PCDH7: variants seen among roughly 807,000 people sequenced by gnomAD.
The protein encoded by PCDH7 is protocadherin 7.
Under a neutral mutation model 58.9 loss-of-function variants are expected in PCDH7, and 17 were observed. That is an observed-to-expected ratio of 0.29 (90% CI 0.20 to 0.43). The LOEUF is 0.43. PCDH7 is among the 20% of genes least tolerant of loss of function. The probability of loss-of-function intolerance (pLI) is 1.00; values close to 1 mark genes in which losing one functional copy is unlikely to be tolerated. For missense variants in PCDH7, 1,274 were observed against 1,441.0 expected (o/e 0.88, Z 1.88); for synonymous variants, 664 against 616.4 (o/e 1.08, Z -1.14).
chr4:30,781,858 C>A (rs1239065242), intron 1 of PCDH7, among the ~76,000 whole-genome samples: 2 of 152,102 alleles, frequency 1.3e-5, no homozygotes, highest in Non-Finnish European at 2.9e-5. Flanking sequence ...TCTTATGTAG[C>A]TAATCAGTGG....
At chr4:31,103,548 G>A (rs1324273504) in intron 3 of PCDH7, among the ~76,000 whole-genome samples, 9 of 151,996 alleles carry the variant, frequency 5.9e-5, no homozygotes, top group Admixed American at 5.9e-4. Flanking sequence ...ATGTTGGCCA[G>A]GCTGATCTCA....
chr4:31,018,617 G>A (rs1753794146), intron 3 of PCDH7, among the ~76,000 whole-genome samples: 1 of 152,118 alleles, frequency 6.6e-6, no homozygotes, highest in Admixed American at 6.6e-5. Flanking sequence ...TCTAAGTCGT[G>A]TATATTTCGA....
At chr4:30,955,493 ATTATTGTATTTTATT>A (rs1747758722) in intron 3 of PCDH7, among the ~76,000 whole-genome samples, 1 of 121,758 alleles carries the variant, frequency 8.2e-6, no homozygotes, top group Non-Finnish European at 1.7e-5. Flanking sequence ...ATTTTATTTT[ATTATTGTATTTTATT>A]TTATTTTATT....
intron 3 of PCDH7, among the ~76,000 whole-genome samples, chr4:31,048,214 A>G (rs1756443904): frequency 2.6e-5 from 4 of 152,086 alleles, no homozygotes; most frequent in Non-Finnish European, 5.9e-5. Context: ...GACAAGAAAA[A>G]GAATATCTCA....
In PCDH7 at chr4:30,893,195, A is replaced by G. The variant is rs540060070; in HGVS notation, c.71-26958A>G. Among the ~76,000 whole-genome samples the G allele has an allele frequency of 2.0e-5, 3 of 152,154 alleles. No individual in the cohort carries two copies. The East Asian group carries it at 5.8e-4, about 29-fold the overall frequency. ...TGGAAGCATCAAAAACAAATTAGCT[A>G]TTTTCCATGGCAAAATAAGCAGACA... is the stretch of plus-strand genomic sequence containing the variant. On this transcript the variant is annotated intron_variant, in intron 1 of 3. Coordinates refer to the PCDH7 transcript ENST00000509759.
At chr4:30,929,878 G>T (rs1744346433) in intron 2 of PCDH7, among the ~76,000 whole-genome samples, 2 of 152,122 alleles carry the variant, frequency 1.3e-5, no homozygotes, top group Non-Finnish European at 1.5e-5. Flanking sequence ...CACCAAGGCA[G>T]CATTTGTAGC....
Position 31,059,618 on chromosome 4 carries a change from G to A in PCDH7, c.*8-82855G>A, listed in dbSNP as rs1216351709. On this transcript the variant is annotated intron_variant, in intron 3 of 3. Coordinates refer to the PCDH7 transcript ENST00000509759. ...TAAAAGAATATGATTTTCAACTTGAGCTAGACAGATGTACATTTCCATTTG... is the reference window on the plus strand; with the variant it reads ...TAAAAGAATATGATTTTCAACTTGAACTAGACAGATGTACATTTCCATTTG... Among the ~76,000 whole-genome samples, 3 of 151,910 alleles carry A rather than the reference G, an allele frequency of 2.0e-5. No homozygotes were observed. The South Asian group carries it at 6.2e-4, about 32-fold the overall frequency.
chr4:31,086,555 G>C (rs963053997), intron 3 of PCDH7, among the ~76,000 whole-genome samples: 1 of 152,042 alleles, frequency 6.6e-6, no homozygotes, highest in African/African-American at 2.4e-5. Flanking sequence ...GAGGACAGAG[G>C]TATATTATAT....
At chr4:30,918,711 T>A (rs914595532) in intron 1 of PCDH7, among the ~76,000 whole-genome samples, 2 of 152,132 alleles carry the variant, frequency 1.3e-5, no homozygotes, top group East Asian at 3.8e-4. Flanking sequence ...TGACTTTGAA[T>A]TAGAATAAAA....
chr4:30,922,327 A>G (rs1054401492), intron 2 of PCDH7, among the ~76,000 whole-genome samples: 3 of 151,922 alleles, frequency 2.0e-5, no homozygotes, highest in African/African-American at 7.2e-5. Context: ...TGTGTTTTTA[A>G]AAGTGCTTAT....
chr4:30,954,446 C>T lies in PCDH7; in HGVS notation c.*7+4231C>T, dbSNP rs190962742. ...CTGTGGTACTGAACATTTCTTTGTA[C>T]ATTGTATGAATATATGCACCTCCCT... On this transcript the variant is annotated intron_variant, in intron 3 of 3. Transcript: ENST00000509759. 7.9e-5 allele frequency among the ~76,000 whole-genome samples: 12 copies of T among 152,150 alleles called. No individual in the cohort carries two copies. In the East Asian group the frequency reaches 2.1e-3, roughly 27 times the overall value.
At chr4:31,099,203 GGTGCCTTA>G (rs958911682) in intron 3 of PCDH7, among the ~76,000 whole-genome samples, 3 of 152,162 alleles carry the variant, frequency 2.0e-5, no homozygotes, top group African/African-American at 7.2e-5. Flanking sequence ...AGGTGCAACT[GGTGCCTTA>G]GTTACACAGC....
intron 3 of PCDH7, among the ~76,000 whole-genome samples, chr4:31,078,248 C>T (rs544589770): frequency 1.3e-5 from 2 of 152,186 alleles, no homozygotes; most frequent in Admixed American, 6.5e-5. Flanking sequence ...CAGCTTTAAA[C>T]ATCTACCAGA....
At chr4:31,059,480 T>C (rs11729276) in intron 3 of PCDH7, among the ~76,000 whole-genome samples, 18,560 of 151,906 alleles carry the variant, frequency 0.12, 1,382 homozygotes, top group East Asian at 0.27. Flanking sequence ...TATTTATTCA[T>C]AATCTCCAGA....
chr4:31,015,053 C>T (rs1279391588), intron 3 of PCDH7, among the ~76,000 whole-genome samples: 1 of 152,132 alleles, frequency 6.6e-6, no homozygotes, highest in African/African-American at 2.4e-5. Context: ...TTCAATGAAA[C>T]TGTGTTTTTC....
chr4:30,723,846 C>G lies in PCDH7; in HGVS notation c.2424C>G (p.Thr808=). 1 of 1,613,990 alleles carries G rather than the reference C, an allele frequency of 6.2e-7. No individual in the cohort carries two copies. The highest frequency in any genetic ancestry group is 1.1e-5 in the South Asian group (1 of 91,068). Residue 808 remains threonine (T), a synonymous_variant, in exon 1 of 2, where the codon ACC becomes ACG. Transcript: ENST00000361762. This position sits in a 1 kb window ranked among gnomAD's most constrained non-coding sequence, Gnocchi z 4.6. Reference sequence around the variant, plus strand: ...TGGTTTCCTTAGTGGGAAAACTCACCCAAAAGCATTATGGCTTGCACAGGT... The same window carrying G: ...TGGTTTCCTTAGTGGGAAAACTCACGCAAAAGCATTATGGCTTGCACAGGT...
At chr4:30,802,131 A>C (rs1336851334) in intron 1 of PCDH7, among the ~76,000 whole-genome samples, 2 of 152,196 alleles carry the variant, frequency 1.3e-5, no homozygotes, top group Non-Finnish European at 2.9e-5. Context: ...GAGGGTGCCA[A>C]ATCTTAGGGT....
intron 3 of PCDH7, among the ~76,000 whole-genome samples, chr4:31,113,144 T>G (rs1047249023): frequency 1.3e-5 from 2 of 152,190 alleles, no homozygotes; most frequent in African/African-American, 4.8e-5. Context: ...ATTGGAAAAT[T>G]TTTGAGTTGT....
chr4:31,115,051 C>T (rs774425611), intron 3 of PCDH7, among the ~76,000 whole-genome samples: 1 of 152,118 alleles, frequency 6.6e-6, no homozygotes, highest in South Asian at 2.1e-4. Flanking sequence ...CGCAATGATT[C>T]AGTTTTGCTG....
Sources: allele counts gnomAD v4.1 joint callset (sites outside exome capture counted in the v4.1 genomes callset), GRCh38; gene constraint gnomAD v4.1.1; non-coding constraint Gnocchi (gnomAD v3.1); transcripts MANE v1.5; gene names NCBI Gene and HGNC (gene_info 2026-07-23, HGNC 2026-07-21).